The following UBA6 variants were observed in gnomAD, a reference collection of about 807,000 sequenced individuals.
UBA6 encodes ubiquitin like modifier activating enzyme 6, also known as ubiquitin-like modifier-activating enzyme 6.
UBA6 carries 87 observed loss-of-function variants against 148.3 expected under a neutral mutation model. That is an observed-to-expected ratio of 0.59 (90% CI 0.49 to 0.70). The LOEUF (loss-of-function observed/expected upper bound fraction) is 0.70, where lower values mean the gene tolerates loss of function less well. Ranked by LOEUF, UBA6 falls within the 30% of genes least tolerant of loss-of-function variation. The probability of loss-of-function intolerance (pLI) is 0.00; values close to 1 mark genes in which losing one functional copy is unlikely to be tolerated. For missense variants in UBA6, 1,186 were observed against 1,241.2 expected (o/e 0.96, Z 0.67); for synonymous variants, 376 against 401.0 (o/e 0.94, Z 0.75).
rs1342665067 is a variant in UBA6 at position 67,635,495 on chromosome 4, A to T, written c.1800T>A (p.Thr600=). 1.2e-6 allele frequency: 2 copies of T among 1,612,310 alleles called. No individual in the cohort carries two copies. Among genetic ancestry groups the T allele is most frequent in the Admixed American group, 3.3e-5 (2 of 59,994 alleles). Residue 600 remains threonine (T), a synonymous_variant, in exon 20 of 33, where the codon ACT becomes ACA. Coordinates refer to ENST00000322244, the MANE Select transcript of UBA6 (RefSeq NM_018227.6). The part of the protein sequence containing the change: ...DSGTMGTKGH[T]EVIVPHLTES... ...CAGTCAAATGCGGTACAATAACTTC[A>T]GTGTGTCCCTTAGTGCCCATTGTTC...
chr4:67,672,159 G>A (rs976214935), intron 7 of UBA6, among the ~76,000 whole-genome samples: 4 of 151,922 alleles, frequency 2.6e-5, no homozygotes, highest in Non-Finnish European at 4.4e-5. Context: ...TATTTCTTTT[G>A]GTTATCTTTC....
intron 19 of UBA6, among the ~76,000 whole-genome samples, chr4:67,636,947 G>T (rs148101825): frequency 0.12 from 18,396 of 151,602 alleles, 1,240 homozygotes; most frequent in South Asian, 0.21. Context: ...AGGAAGTGAG[G>T]AGTGTCTCTG....
chr4:67,671,702 C>A (rs936352846), intron 7 of UBA6, among the ~76,000 whole-genome samples: 1 of 152,088 alleles, frequency 6.6e-6, no homozygotes, highest in Non-Finnish European at 1.5e-5. Flanking sequence ...TTTCAACACA[C>A]CTACATCATA....
chr4:67,665,178 AAAAT>A lies in UBA6; in HGVS notation c.897+7_897+10del. On this transcript the variant is annotated splice_region_variant and intron_variant, in intron 10 of 32. Coordinates refer to ENST00000322244, the MANE Select transcript of UBA6 (RefSeq NM_018227.6). ...AAAAAATGTTTTTTAAGCCGAAAAA[AAAAT>A]ACTTACAAAAAAAACTGTTTTAGGA... The A allele has an allele frequency of 6.6e-7, 1 of 1,524,784 alleles. No homozygotes were observed. The highest frequency in any genetic ancestry group is 1.3e-5 in the South Asian group (1 of 74,650). The allele number at this position is 1,524,784 out of a possible 1,614,324, so 94.5% of individuals were successfully genotyped here.
Position 67,649,063 on chromosome 4 carries a change from C to G in UBA6, c.1248+5G>C, listed in dbSNP as rs765925117. Reference sequence around the variant, plus strand: ...AGAATTCAACTTTAAAAACTCAGAACTAACCCACTGGCACAAAGGAGAAAA... The same window carrying G: ...AGAATTCAACTTTAAAAACTCAGAAGTAACCCACTGGCACAAAGGAGAAAA... On this transcript the variant is annotated splice_donor_5th_base_variant and intron_variant, in intron 14 of 32. Coordinates refer to ENST00000322244, the MANE Select transcript of UBA6 (RefSeq NM_018227.6). The G allele has an allele frequency of 6.2e-7, 1 of 1,612,330 alleles. No individual in the cohort carries two copies. The highest frequency in any genetic ancestry group is 8.5e-7 in the Non-Finnish European group (1 of 1,179,340).
chr4:67,663,034 A>G, intron 12 of UBA6, 105 bp downstream of exon 12: 1 of 711,980 alleles, frequency 1.4e-6, no homozygotes, highest in Non-Finnish European at 2.3e-6. Context: ...TGGTATATCT[A>G]TTGGTATTGT....
intron 14 of UBA6, 98 bp from the exon 15 acceptor site, chr4:67,646,889 A>T (rs1185393263): frequency 1.9e-6 from 1 of 523,314 alleles, no homozygotes; most frequent in Non-Finnish European, 3.0e-6. Context: ...GAAGAAAAAA[A>T]TGATAAAATA....
At chr4:67,631,958 G>A (rs778239714) in intron 23 of UBA6, 50 bp from the exon 24 acceptor site, 15 of 1,513,886 alleles carry the variant, frequency 9.9e-6, no homozygotes, top group Non-Finnish European at 1.3e-5. Context: ...TATTATCTGA[G>A]GAAAAATTAA....
intron 3 of UBA6, 57 bp from the exon 4 acceptor site, chr4:67,681,648 T>C: frequency 2.5e-6 from 3 of 1,218,294 alleles, no homozygotes; most frequent in South Asian, 1.4e-5. Flanking sequence ...ACTAGATATG[T>C]CTTCACAGAG....
intron 23 of UBA6, among the ~76,000 whole-genome samples, chr4:67,632,422 G>C (rs1185317533): frequency 1.3e-5 from 2 of 152,054 alleles, no homozygotes; most frequent in Admixed American, 1.3e-4. Flanking sequence ...ATAGGTAATT[G>C]ACAATTACAT....
chr4:67,691,285 T>G (rs1730687709), intron 2 of UBA6, among the ~76,000 whole-genome samples: 1 of 127,492 alleles, frequency 7.8e-6, no homozygotes, highest in Non-Finnish European at 1.8e-5. Context: ...AGTTAAAATT[T>G]ATCAAAACTA....
At chr4:67,656,696 G>C (rs970324619) in intron 13 of UBA6, among the ~76,000 whole-genome samples, 1 of 152,140 alleles carries the variant, frequency 6.6e-6, no homozygotes, top group Non-Finnish European at 1.5e-5. Context: ...TCAGGCAAGA[G>C]AAAGAAATAA....
At chr4:67,631,607 A>T in intron 25 of UBA6, 101 bp downstream of exon 25, 1 of 897,728 alleles carries the variant, frequency 1.1e-6, no homozygotes, top group Non-Finnish European at 1.7e-6. Context: ...ATAATTTAAC[A>T]TTAAAGAGCC....
At chr4:67,677,890 A>G (rs1249063479) in intron 5 of UBA6, among the ~76,000 whole-genome samples, 168 bp from the exon 6 acceptor site, 2 of 151,886 alleles carry the variant, frequency 1.3e-5, no homozygotes, top group African/African-American at 4.8e-5. Context: ...ACAGGTAACC[A>G]TACAATCTTG....
intron 13 of UBA6, among the ~76,000 whole-genome samples, chr4:67,658,677 A>C (rs1033563312): frequency 1.3e-5 from 2 of 152,148 alleles, no homozygotes; most frequent in East Asian, 3.8e-4. Context: ...ATGTAACCCT[A>C]AAGTTAAAAG....
intron 6 of UBA6, among the ~76,000 whole-genome samples, chr4:67,675,132 G>A (rs1384731570): frequency 6.6e-6 from 1 of 152,164 alleles, no homozygotes; most frequent in African/African-American, 2.4e-5. Context: ...GACTTCCAAA[G>A]TGCTGGGATA....
chr4:67,614,623 G>A lies in UBA6; in HGVS notation c.*4374C>T, dbSNP rs1728592650. On this transcript the variant is annotated 3_prime_UTR_variant, in exon 33 of 33. Coordinates refer to ENST00000322244, the MANE Select transcript of UBA6 (RefSeq NM_018227.6). ...AAAGGCAAAACTAAAGCTTTAAGAA[G>A]ACGATATATAAGACTATCTTCATGA... 1 of 152,098 alleles carries A rather than the reference G, an allele frequency of 6.6e-6. No individual in the cohort carries two copies. The highest frequency in any genetic ancestry group is 1.5e-5 in the Non-Finnish European group (1 of 68,000). The allele number at this position is 152,098 out of a possible 1,614,324, so 9.4% of individuals were successfully genotyped here. A position where few individuals can be genotyped will look rare whatever the true frequency, so the allele number is the denominator to read the frequency against.
intron 11 of UBA6, 137 bp from the exon 12 acceptor site, chr4:67,663,352 C>G (rs995733737): frequency 6.4e-5 from 36 of 560,720 alleles, no homozygotes; most frequent in Admixed American, 4.6e-4. Flanking sequence ...CTCTATTTAA[C>G]AAATAAGAAA....
intron 23 of UBA6, among the ~76,000 whole-genome samples, chr4:67,632,700 G>A (rs1238737318): frequency 2.6e-5 from 4 of 152,076 alleles, no homozygotes; most frequent in African/African-American, 4.8e-5. Context: ...AAGTATAAAC[G>A]AAATATTTTT....
Sources: gnomAD v4.1 joint callset for allele counts (sites outside exome capture counted in the v4.1 genomes callset) on GRCh38, gnomAD v4.1.1 for gene constraint, MANE v1.5 for transcripts, NCBI Gene and HGNC (gene_info 2026-07-23, HGNC 2026-07-21) for gene names.